APBA2: variants seen among roughly 807,000 people sequenced by gnomAD.
APBA2 encodes amyloid-beta A4 precursor protein-binding family A member 2.
APBA2 carries 30 observed loss-of-function variants against 75.0 expected under a neutral mutation model. That is an observed-to-expected ratio of 0.40 (90% CI 0.30 to 0.54). The LOEUF is 0.54. Among genes scored for constraint, APBA2 ranks in the 20% least tolerant of loss-of-function variants. The probability of loss-of-function intolerance (pLI) is 0.49; values close to 1 mark genes in which losing one functional copy is unlikely to be tolerated. For synonymous variants in APBA2, 444 were observed against 409.6 expected, an observed-to-expected ratio of 1.08 and a Z score of -1.01; for missense variants, 801 against 1,016.1, an observed-to-expected ratio of 0.79 and a Z score of 2.88.
intron 4 of APBA2, among the ~76,000 whole-genome samples, chr15:29,057,932 A>T (rs2041973221): frequency 6.6e-6 from 1 of 152,168 alleles, no homozygotes; most frequent in African/African-American, 2.4e-5. Context: ...TGTTGGATGC[A>T]TGCCCTTTAT....
intron 3 of APBA2, among the ~76,000 whole-genome samples, chr15:29,024,007 G>A (rs1018276090): frequency 4.2e-4 from 63 of 150,852 alleles, no homozygotes; most frequent in Admixed American, 3.5e-3. Context: ...AAGTTCAAGC[G>A]ATTCTTCTGC....
In APBA2 at chr15:29,106,800, C is replaced by T; in HGVS notation, c.1898C>T (p.Thr633Ile). The T allele has an allele frequency of 2.5e-6, 4 of 1,612,914 alleles. No individual in the cohort carries two copies. Among genetic ancestry groups the T allele is most frequent in the Non-Finnish European group, 2.5e-6 (3 of 1,179,858 alleles). The change falls in exon 12 of 15, where the codon ACC (threonine) becomes ATC (isoleucine). Residue 633 changes from threonine (T) to isoleucine (I), a missense_variant. Around this residue, in one of 2 missense-constraint regions of APBA2, gnomAD observed 367 missense variants for 544.5 expected, o/e 0.67. Coordinates refer to ENST00000683413, the MANE Select transcript of APBA2 (RefSeq NM_001353788.2). ...AGCCTGGTGGGGCTGCCCCTCGCCA[C>T]CTGCCAAGGCATCATCAAGGTAGGC... ...GTSLVGLPLA[T>I]CQGIIKGLKN...
intron 3 of APBA2, among the ~76,000 whole-genome samples, chr15:29,038,382 G>A (rs2040852013): frequency 6.6e-6 from 1 of 152,200 alleles, no homozygotes; most frequent in African/African-American, 2.4e-5. Context: ...TTGGGGGATT[G>A]AAACCGTAGG....
At chr15:28,909,073 G>A (rs1363046860) in intron 1 of APBA2, among the ~76,000 whole-genome samples, 8 of 146,384 alleles carry the variant, frequency 5.5e-5, no homozygotes, top group African/African-American at 7.7e-5. Flanking sequence ...AGCAAGCTCC[G>A]CCTGCTAGGT....
At chr15:29,050,390 C>T (rs946481832) in intron 3 of APBA2, among the ~76,000 whole-genome samples, 3 of 152,084 alleles carry the variant, frequency 2.0e-5, no homozygotes, top group African/African-American at 4.8e-5. Flanking sequence ...AATGAAATCC[C>T]ACTAAATAGT....
At chr15:28,930,632 A>T (rs1490637966) in intron 2 of APBA2, among the ~76,000 whole-genome samples, 1 of 151,664 alleles carries the variant, frequency 6.6e-6, no homozygotes, top group Non-Finnish European at 1.5e-5. Flanking sequence ...GTTCCGAGGG[A>T]TGGAGTGTCT....
At chr15:28,911,246 G>A (rs573031691) in intron 1 of APBA2, among the ~76,000 whole-genome samples, 2 of 152,274 alleles carry the variant, frequency 1.3e-5, no homozygotes, top group South Asian at 2.1e-4. Flanking sequence ...AACAGTTTGG[G>A]TTCTGCTGGC....
intron 3 of APBA2, among the ~76,000 whole-genome samples, chr15:29,020,505 T>A (rs2039897091): frequency 6.6e-6 from 1 of 151,972 alleles, no homozygotes; most frequent in Admixed American, 6.6e-5. Flanking sequence ...TTTTAAAAAA[T>A]ATATTTAAAA....
chr15:28,950,009 G>A (rs1260230671), intron 2 of APBA2, among the ~76,000 whole-genome samples: 2 of 152,072 alleles, frequency 1.3e-5, no homozygotes, highest in Non-Finnish European at 2.9e-5. Context: ...TGTCCCAGGA[G>A]CCTGTCCAGG....
intron 2 of APBA2, among the ~76,000 whole-genome samples, chr15:28,929,573 G>A (rs369647047): frequency 1.6e-3 from 238 of 152,272 alleles, no homozygotes; most frequent in African/African-American, 5.5e-3. Flanking sequence ...CAACAGCGTT[G>A]GCCCAGGCGA....
At chr15:29,076,971 T>C (rs1055181586) in intron 6 of APBA2, among the ~76,000 whole-genome samples, 2 of 152,144 alleles carry the variant, frequency 1.3e-5, no homozygotes, top group African/African-American at 4.8e-5. Context: ...TTCCAATTGG[T>C]TGAAACTGGA....
At chr15:28,993,231 C>T (rs2152787616) in intron 2 of APBA2, among the ~76,000 whole-genome samples, 1 of 152,312 alleles carries the variant, frequency 6.6e-6, no homozygotes, top group African/African-American at 2.4e-5. Flanking sequence ...CCTTGCTGGG[C>T]ATGACTTTCA....
At chr15:29,031,452 G>T (rs1200456554) in intron 3 of APBA2, among the ~76,000 whole-genome samples, 1 of 152,062 alleles carries the variant, frequency 6.6e-6, no homozygotes, top group African/African-American at 2.4e-5. Flanking sequence ...TGCCCCTGGG[G>T]TCTCTCTGTG....
intron 1 of APBA2, among the ~76,000 whole-genome samples, chr15:28,902,327 A>G (rs985602664): frequency 6.6e-6 from 1 of 151,744 alleles, no homozygotes; most frequent in Non-Finnish European, 1.5e-5. Context: ...TATGAGGAAA[A>G]CTCCAGACAA....
At chr15:29,034,549 A>T (rs1183483580) in intron 3 of APBA2, among the ~76,000 whole-genome samples, 2 of 152,178 alleles carry the variant, frequency 1.3e-5, no homozygotes, top group African/African-American at 4.8e-5. Flanking sequence ...AACCCCTTGG[A>T]TATAGACTAC....
chr15:29,105,581 A>G (rs2044359053), intron 11 of APBA2, 23 bp downstream of exon 11: 3 of 1,611,446 alleles, frequency 1.9e-6, no homozygotes, highest in Non-Finnish European at 2.5e-6. Context: ...CACCAGCCTC[A>G]GGGAGGCCAC....
At chr15:29,096,935 TG>T (rs1595955971) in intron 8 of APBA2, among the ~76,000 whole-genome samples, 2 of 152,206 alleles carry the variant, frequency 1.3e-5, no homozygotes, top group South Asian at 2.1e-4. Context: ...TATCCTAGTT[TG>T]GGGCAGACTC....
intron 14 of APBA2, among the ~76,000 whole-genome samples, chr15:29,115,555 G>A (rs2045045428): frequency 6.6e-6 from 1 of 152,186 alleles, no homozygotes; most frequent in South Asian, 2.1e-4. Context: ...AGGAGCGGGC[G>A]GGAGAACGGG....
intron 3 of APBA2, among the ~76,000 whole-genome samples, chr15:29,042,623 AT>A (rs1473389354): frequency 6.6e-6 from 1 of 152,162 alleles, no homozygotes; most frequent in Non-Finnish European, 1.5e-5. Flanking sequence ...AAACATATGA[AT>A]TTTGAGGGGA....
Sources: allele counts gnomAD v4.1 joint callset (sites outside exome capture counted in the v4.1 genomes callset), GRCh38; gene constraint gnomAD v4.1.1; regional missense constraint gnomAD v4.1.1; transcripts MANE v1.5; gene names NCBI Gene and HGNC (gene_info 2026-07-23, HGNC 2026-07-21).